The following NAV3 variants were observed in gnomAD, a reference collection of about 807,000 sequenced individuals.
The protein encoded by NAV3 is pore membrane and/or filament interacting like protein 1.
NAV3 carries 87 observed loss-of-function variants against 244.7 expected under a neutral mutation model. That is an observed-to-expected ratio of 0.36 (90% CI 0.30 to 0.42). The LOEUF is 0.42. Ranked by LOEUF, NAV3 falls within the 20% of genes least tolerant of loss-of-function variation. The probability of loss-of-function intolerance (pLI) is 1.00; values close to 1 mark genes in which losing one functional copy is unlikely to be tolerated. For missense variants in NAV3, 2,663 were observed against 2,893.3 expected (o/e 0.92, Z 1.83); for synonymous variants, 1,126 against 1,042.2 (o/e 1.08, Z -1.55).
chr12:77,819,435 TCTA>T (rs1872645438), intron 2 of NAV3, among the ~76,000 whole-genome samples: 1 of 151,808 alleles, frequency 6.6e-6, no homozygotes, highest in South Asian at 2.1e-4. Flanking sequence ...TTAAAGGTTA[TCTA>T]CAAATTTTCC....
intron 5 of NAV3, 82 bp from the exon 6 acceptor site, chr12:77,994,721 C>G (rs746190105): frequency 9.5e-7 from 1 of 1,054,688 alleles, no homozygotes; most frequent in Non-Finnish European, 1.4e-6. Context: ...TTCATTAATT[C>G]ATAGTTTTCT....
intron 8 of NAV3, among the ~76,000 whole-genome samples, chr12:78,013,789 T>A (rs1398073547): frequency 6.6e-6 from 1 of 152,124 alleles, no homozygotes. Context: ...AGCAATTTAC[T>A]GAATTTCTTA....
chr12:78,005,580 T>G (rs1262728337), intron 7 of NAV3, among the ~76,000 whole-genome samples: 1 of 152,230 alleles, frequency 6.6e-6, no homozygotes, highest in South Asian at 2.1e-4. Flanking sequence ...GTATCATGTG[T>G]GCACATTAAA....
intron 2 of NAV3, among the ~76,000 whole-genome samples, chr12:77,716,359 T>C (rs1876361406): frequency 1.3e-5 from 2 of 151,794 alleles, no homozygotes; most frequent in Admixed American, 1.3e-4. Flanking sequence ...GAATAAGGAA[T>C]GTACCATGTT....
rs1446403735 is a variant in NAV3, at chr12:78,118,287, C to G, written c.3030C>G (p.Leu1010=). ...GGCAGAAAGCTGGAACAAGTGCACT[C>G]AAAACACCCGGTAGGCTTGTCGTTT... ...PSRQKAGTSA[L]KTPGKTDDAK... Residue 1010 remains leucine (L), a synonymous_variant, in exon 14 of 40, where the codon CTC becomes CTG. Transcript: ENST00000397909. 6.2e-7 allele frequency: 1 copy of G among 1,603,458 alleles called. No homozygotes were observed. Among genetic ancestry groups the G allele is most frequent in the South Asian group, 1.1e-5 (1 of 90,824 alleles).
At chr12:78,075,852 A>G (rs1171712953) in intron 12 of NAV3, among the ~76,000 whole-genome samples, 1 of 152,188 alleles carries the variant, frequency 6.6e-6, no homozygotes, top group Non-Finnish European at 1.5e-5. Flanking sequence ...TCCTCTGATT[A>G]AAACAATGCA....
chr12:77,817,335 T>G (rs141127336), intron 2 of NAV3, among the ~76,000 whole-genome samples: 1 of 152,356 alleles, frequency 6.6e-6, no homozygotes, highest in African/African-American at 2.4e-5. Flanking sequence ...TTCTATTGAA[T>G]ATTCTGCAGA....
chr12:77,576,749 T>C (rs931649398), intron 2 of NAV3, among the ~76,000 whole-genome samples: 3 of 152,086 alleles, frequency 2.0e-5, no homozygotes, highest in African/African-American at 4.8e-5. Context: ...AATATGAGCA[T>C]AAATCAATAA....
chr12:77,684,306 T>C (rs1329505453), intron 2 of NAV3, among the ~76,000 whole-genome samples: 1 of 152,154 alleles, frequency 6.6e-6, no homozygotes, highest in Non-Finnish European at 1.5e-5. Context: ...TTAGATAATA[T>C]GGATACAAGT....
intron 31 of NAV3, among the ~76,000 whole-genome samples, chr12:78,187,489 T>C (rs1958776913): frequency 6.6e-6 from 1 of 151,924 alleles, no homozygotes; most frequent in Admixed American, 6.6e-5. Context: ...TAATAGAGGC[T>C]CTAGCTAGAC....
rs115063697 is a variant in NAV3 at position 77,919,917 on chromosome 12, G to T, written c.244-20402G>T. ...GGGAGCTCTGAGATTGGAATTTGAA[G>T]TGAACAGCCCATGATTTCTCCAGAA... On this transcript the variant is annotated intron_variant, in intron 1 of 39. Transcript: ENST00000397909. Among the ~76,000 whole-genome samples the T allele has an allele frequency of 3.5e-3, 528 of 152,070 alleles. 4 individuals are homozygous for T. Among genetic ancestry groups the T allele is most frequent in the African/African-American group, 0.012 (508 of 41,528 alleles).
Position 78,037,952 on chromosome 12 carries a change from CTT to C in NAV3, c.2024-12038_2024-12037del, listed in dbSNP as rs1407148464. On this transcript the variant is annotated intron_variant, in intron 9 of 39. Transcript: ENST00000397909. ...CTGGCTTCTACCTTTTTTCTTTTCT[CTT>C]TTGTTTCAGTGTTTGACAAAAACTA... Among the ~76,000 whole-genome samples, 8 of 152,222 alleles carry C rather than the reference CTT, an allele frequency of 5.3e-5. No homozygotes were observed. The East Asian group carries it at 1.5e-3, about 29-fold the overall frequency.
At chr12:78,021,645 T>G (rs1877168301) in intron 8 of NAV3, 102 bp from the exon 9 acceptor site, 1 of 756,132 alleles carries the variant, frequency 1.3e-6, no homozygotes, top group Non-Finnish European at 2.2e-6. Context: ...ATACTTACCT[T>G]GATGGAAAAT....
chr12:77,903,517 G>A (rs1885567050), intron 1 of NAV3, among the ~76,000 whole-genome samples: 2 of 152,146 alleles, frequency 1.3e-5, no homozygotes, highest in South Asian at 2.1e-4. Flanking sequence ...AGACTTAAAT[G>A]TTAGACCTAA....
intron 2 of NAV3, among the ~76,000 whole-genome samples, chr12:77,812,635 G>A (rs956401201): frequency 2.6e-5 from 4 of 151,830 alleles, no homozygotes; most frequent in African/African-American, 7.3e-5. Context: ...GGCTGGTCTC[G>A]AACTCCTGAC....
At chr12:77,854,380 C>A (rs369276104) in intron 1 of NAV3, among the ~76,000 whole-genome samples, 1 of 152,124 alleles carries the variant, frequency 6.6e-6, no homozygotes, top group East Asian at 1.9e-4. Context: ...TCCCCTAAAT[C>A]GTACTTTTAT....
intron 12 of NAV3, among the ~76,000 whole-genome samples, chr12:78,069,126 A>G (rs1051736886): frequency 6.6e-6 from 1 of 152,104 alleles, no homozygotes; most frequent in East Asian, 1.9e-4. Context: ...TATTAGAGGC[A>G]TATGGGTTCC....
At chr12:77,641,763 G>T (rs912153692) in intron 2 of NAV3, among the ~76,000 whole-genome samples, 1 of 152,054 alleles carries the variant, frequency 6.6e-6, no homozygotes, top group Non-Finnish European at 1.5e-5. Flanking sequence ...GCAATTGTCT[G>T]TACAACCTTA....
At chr12:77,643,318 T>C (rs954188511) in intron 2 of NAV3, among the ~76,000 whole-genome samples, 2 of 151,924 alleles carry the variant, frequency 1.3e-5, no homozygotes, top group Admixed American at 6.6e-5. Flanking sequence ...AGTTTATAAA[T>C]ACATATTTTA....
Sources: allele counts gnomAD v4.1 joint callset (sites outside exome capture counted in the v4.1 genomes callset), GRCh38; gene constraint gnomAD v4.1.1; transcripts MANE v1.5; gene names NCBI Gene and HGNC (gene_info 2026-07-23, HGNC 2026-07-21).